The following TRPC7 variants were observed in gnomAD, a reference collection of about 807,000 sequenced individuals.
TRPC7 encodes transient receptor potential cation channel subfamily C member 7, also known as short transient receptor potential channel 7.
A neutral mutation model predicts 90.1 loss-of-function variants in TRPC7; 42 were observed. The observed-to-expected ratio is 0.47, with a 90% confidence interval of 0.36 to 0.60. The LOEUF is 0.60. Ranked by LOEUF, TRPC7 falls within the 20% of genes least tolerant of loss-of-function variation. The pLI is 0.00. For synonymous variants in TRPC7, 451 were observed against 436.3 expected, an observed-to-expected ratio of 1.03 and a Z score of -0.42; for missense variants, 955 against 1,112.3, an observed-to-expected ratio of 0.86 and a Z score of 2.01.
intron 3 of TRPC7, among the ~76,000 whole-genome samples, chr5:136,276,111 G>A (rs1757358047): frequency 6.6e-6 from 1 of 152,050 alleles, no homozygotes; most frequent in African/African-American, 2.4e-5. Context: ...GTTGACTCAG[G>A]GTCAACTGGA....
At chr5:136,263,643 G>A (rs1756935708) in intron 5 of TRPC7, among the ~76,000 whole-genome samples, 1 of 150,616 alleles carries the variant, frequency 6.6e-6, no homozygotes, top group Non-Finnish European at 1.5e-5. Flanking sequence ...TTTAAGAATT[G>A]AATAATATAA....
At chr5:136,229,336 T>G (rs1755744823) in intron 8 of TRPC7, among the ~76,000 whole-genome samples, 1 of 152,190 alleles carries the variant, frequency 6.6e-6, no homozygotes, top group Non-Finnish European at 1.5e-5. Flanking sequence ...CATACCACAC[T>G]GCTTCACCCC....
intron 2 of TRPC7, among the ~76,000 whole-genome samples, chr5:136,317,734 C>T (rs941735819): frequency 2.0e-5 from 3 of 152,212 alleles, no homozygotes; most frequent in Non-Finnish European, 2.9e-5. Context: ...CTAGAACATA[C>T]CTCATTTCTT....
chr5:136,244,114 A>ATC (rs923323445), intron 7 of TRPC7, among the ~76,000 whole-genome samples: 8 of 147,592 alleles, frequency 5.4e-5, no homozygotes, highest in Middle Eastern at 3.6e-3. Context: ...TAAAGTCATA[A>ATC]TCTCTCTCTC....
chr5:136,263,513 A>G (rs1370270577), intron 5 of TRPC7, among the ~76,000 whole-genome samples: 2 of 152,250 alleles, frequency 1.3e-5, no homozygotes, highest in African/African-American at 4.8e-5. Context: ...AATGACAGAA[A>G]TGATGGAGTT....
chr5:136,341,373 T>C (rs1198223363), intron 2 of TRPC7, among the ~76,000 whole-genome samples: 1 of 151,954 alleles, frequency 6.6e-6, no homozygotes, highest in Non-Finnish European at 1.5e-5. Flanking sequence ...AAAAAGCCAG[T>C]TGGGAACTGA....
chr5:136,233,322 A>C (rs1286937266), intron 7 of TRPC7, among the ~76,000 whole-genome samples: 1 of 152,254 alleles, frequency 6.6e-6, no homozygotes, highest in Non-Finnish European at 1.5e-5. Flanking sequence ...GCAGAGCTCC[A>C]GCTCCTGGTG....
chr5:136,216,835 G>GAAGCAC (rs1375962045), intron 10 of TRPC7, among the ~76,000 whole-genome samples: 2 of 152,226 alleles, frequency 1.3e-5, no homozygotes, highest in Non-Finnish European at 2.9e-5. Context: ...AGCAGAAGCA[G>GAAGCAC]ACACAGCCGG....
chr5:136,299,340 CGTGTGTGT>C lies in TRPC7; in HGVS notation c.963+16249_963+16256del, dbSNP rs529330866. On this transcript the variant is annotated intron_variant, in intron 3 of 11. Coordinates refer to ENST00000513104, the MANE Select transcript of TRPC7 (RefSeq NM_020389.3). ...GAAATTTCTCTGACTGGGGTGTGTG[CGTGTGTGT>C]GTGTGTGTGTGTGTGTGTGTGTGTG... 9.4e-3 allele frequency among the ~76,000 whole-genome samples: 1,152 copies of C among 122,718 alleles called. 13 individuals are homozygous for C. Among genetic ancestry groups the C allele is most frequent in the South Asian group, 0.024 (86 of 3,528 alleles). The allele number at this position is 122,718 out of a possible 152,430, so 80.5% of individuals were successfully genotyped here.
intron 2 of TRPC7, among the ~76,000 whole-genome samples, chr5:136,336,445 A>G (rs1216746965): frequency 6.6e-6 from 1 of 152,102 alleles, no homozygotes; most frequent in Non-Finnish European, 1.5e-5. Context: ...ATTTCAATTC[A>G]GATGTTGTTT....
chr5:136,244,282 C>G (rs1756266326), intron 7 of TRPC7, among the ~76,000 whole-genome samples: 1 of 152,088 alleles, frequency 6.6e-6, no homozygotes, highest in South Asian at 2.1e-4. Context: ...CCTTCCACCT[C>G]AGCCTCCCAG....
chr5:136,258,487 C>G (rs1015671867), intron 5 of TRPC7, among the ~76,000 whole-genome samples: 4 of 152,144 alleles, frequency 2.6e-5, no homozygotes, highest in African/African-American at 9.7e-5. Context: ...CCACCCTGCT[C>G]CCTACACTTG....
intron 5 of TRPC7, among the ~76,000 whole-genome samples, chr5:136,263,626 A>G (rs1756935140): frequency 6.6e-6 from 1 of 152,204 alleles, no homozygotes; most frequent in Non-Finnish European, 1.5e-5. Context: ...AGAGAACCAA[A>G]TAAGATTTTA....
At chr5:136,298,786 C>CT (rs1007208680) in intron 3 of TRPC7, among the ~76,000 whole-genome samples, 1 of 152,226 alleles carries the variant, frequency 6.6e-6, no homozygotes, top group African/African-American at 2.4e-5. Context: ...CCCCATCCTG[C>CT]TTCTGCCCCT....
chr5:136,288,107 A>G (rs1329507677), intron 3 of TRPC7, among the ~76,000 whole-genome samples: 1 of 150,446 alleles, frequency 6.6e-6, no homozygotes, highest in Non-Finnish European at 1.5e-5. Flanking sequence ...CAATCACTAG[A>G]TTTTTTTTTT....
chr5:136,261,512 T>C (rs1756857452), intron 5 of TRPC7, among the ~76,000 whole-genome samples: 1 of 152,230 alleles, frequency 6.6e-6, no homozygotes, highest in Admixed American at 6.5e-5. Flanking sequence ...CCATTCCCTG[T>C]TGCCTACTCA....
chr5:136,289,525 C>A (rs979252791), intron 3 of TRPC7, among the ~76,000 whole-genome samples: 10 of 152,232 alleles, frequency 6.6e-5, no homozygotes, highest in African/African-American at 2.4e-4. Context: ...GGGTCCTATG[C>A]CCACGGAGCC....
At chr5:136,353,835 TA>T (rs1760276162) in intron 2 of TRPC7, among the ~76,000 whole-genome samples, 1 of 152,242 alleles carries the variant, frequency 6.6e-6, no homozygotes, top group African/African-American at 2.4e-5. Flanking sequence ...CTGGTGTTCT[TA>T]ATTGTCCACA....
At position 136,274,768 on chromosome 5, in the gene TRPC7, G is replaced by C; in HGVS notation, c.1033C>G (p.Gln345Glu). Residue 345 changes from glutamine to glutamate, a missense_variant, in exon 4 of 12, where the codon CAA becomes GAA. Coordinates refer to ENST00000513104, the MANE Select transcript of TRPC7 (RefSeq NM_020389.3). ...MWYENLSGLRQQSIAVKFLAV... is the reference protein window; with the variant it reads ...MWYENLSGLREQSIAVKFLAV... ...AGGAATTTCACAGCGATAGACTGTT[G>C]ACGTAAGCCTGAGAGATTTTCATAC... is the stretch of plus-strand genomic sequence containing the variant. The C allele has an allele frequency of 6.2e-7, 1 of 1,607,102 alleles. No individual in the cohort carries two copies. The highest frequency in any genetic ancestry group is 8.5e-7 in the Non-Finnish European group (1 of 1,176,776).
Sources: allele counts gnomAD v4.1 joint callset (sites outside exome capture counted in the v4.1 genomes callset), GRCh38; gene constraint gnomAD v4.1.1; transcripts MANE v1.5; gene names NCBI Gene and HGNC (gene_info 2026-07-23, HGNC 2026-07-21).